MYRIP: variants seen among roughly 807,000 people sequenced by gnomAD.
MYRIP encodes the protein rab effector MyRIP.
MYRIP carries 49 observed loss-of-function variants against 98.0 expected under a neutral mutation model. The ratio of observed to expected loss-of-function variants is 0.50; its 90% CI spans 0.40 to 0.63. MYRIP has a LOEUF of 0.63. MYRIP is among the 30% of genes least tolerant of loss of function. MYRIP has a pLI of 0.00. For synonymous variants in MYRIP, 404 were observed against 409.5 expected, an observed-to-expected ratio of 0.99 and a Z score of 0.16; for missense variants, 1,004 against 1,058.2, an observed-to-expected ratio of 0.95 and a Z score of 0.71.
At chr3:40,167,852 A>G (rs919698092) in intron 7 of MYRIP, among the ~76,000 whole-genome samples, 2 of 152,188 alleles carry the variant, frequency 1.3e-5, no homozygotes, top group Non-Finnish European at 2.9e-5. Flanking sequence ...CGGCCAGATG[A>G]AGAGACACAC....
Position 40,190,366 on chromosome 3 carries a change from G to T in MYRIP, c.1568G>T (p.Arg523Leu). The T allele has an allele frequency of 1.2e-6, 2 of 1,613,858 alleles. No homozygotes were observed. The highest frequency in any genetic ancestry group is 2.2e-5 in the South Asian group (2 of 91,074). Residue 523 changes from arginine to leucine, a missense_variant, in exon 10 of 17, where the codon CGG becomes CTG. This residue lies in a region of MYRIP where 880 missense variants were observed against 907.7 expected (regional missense o/e 0.97). Coordinates refer to ENST00000302541, the MANE Select transcript of MYRIP (RefSeq NM_015460.4). ...PEEAPHTTDR[R>L]ARRWRRARLG... ...GAGGCCCCCCACACCACAGACCGGC[G>T]GGCCAGGAGGTGGAGAAGAGCCCGA...
intron 1 of MYRIP, among the ~76,000 whole-genome samples, chr3:39,850,495 G>A (rs1010032933): frequency 6.6e-6 from 1 of 152,202 alleles, no homozygotes; most frequent in Non-Finnish European, 1.5e-5. Context: ...CACTGTAATT[G>A]TAGTGTTTAC....
Position 39,901,808 on chromosome 3 carries a change from A to G in MYRIP, c.110+882A>G, listed in dbSNP as rs553423094. The stretch of plus-strand genomic sequence containing the variant: ...ATTTCTTGTCTTTCATCAAACAAGT[A>G]TATATTTAATATATACTATATGTGA... On this transcript the variant is annotated intron_variant, in intron 2 of 16. Transcript: ENST00000302541. 1.2e-3 allele frequency among the ~76,000 whole-genome samples: 179 copies of G among 152,274 alleles called. 2 individuals carry two copies. In the South Asian group the frequency reaches 0.036, roughly 31 times the overall value.
chr3:40,033,581 A>G (rs182573744), intron 2 of MYRIP, among the ~76,000 whole-genome samples: 1 of 152,340 alleles, frequency 6.6e-6, no homozygotes, highest in African/African-American at 2.4e-5. Context: ...GGATACAAAG[A>G]AATGGAAGAG....
chr3:40,136,118 T>G (rs1214074116), intron 3 of MYRIP, among the ~76,000 whole-genome samples: 2 of 152,154 alleles, frequency 1.3e-5, no homozygotes, highest in African/African-American at 2.4e-5. Context: ...GACCCATCAG[T>G]GTGCTGTATT....
chr3:40,174,891 C>G (rs1273479033), intron 8 of MYRIP, among the ~76,000 whole-genome samples: 2 of 152,168 alleles, frequency 1.3e-5, no homozygotes, highest in Non-Finnish European at 2.9e-5. Context: ...CGCCTGTAAT[C>G]CCAGTGCTTT....
chr3:40,128,385 G>A (rs530968829), intron 3 of MYRIP, among the ~76,000 whole-genome samples: 1 of 152,180 alleles, frequency 6.6e-6, no homozygotes, highest in Non-Finnish European at 1.5e-5. Flanking sequence ...ATAGTTGCAC[G>A]GCTCAGTAGC....
At chr3:39,818,126 C>T (rs969258657) in intron 1 of MYRIP, among the ~76,000 whole-genome samples, 3 of 152,166 alleles carry the variant, frequency 2.0e-5, no homozygotes, top group African/African-American at 7.2e-5. Context: ...ACATTAGGCA[C>T]TTTAGACTTT....
intron 3 of MYRIP, among the ~76,000 whole-genome samples, chr3:40,074,324 T>C (rs1332445227): frequency 1.3e-5 from 2 of 152,118 alleles, no homozygotes; most frequent in African/African-American, 4.8e-5. Flanking sequence ...TCTGCCCACC[T>C]TGGCCTCCCA....
chr3:40,011,649 G>A (rs1445908067), intron 2 of MYRIP, among the ~76,000 whole-genome samples: 2 of 152,182 alleles, frequency 1.3e-5, no homozygotes, highest in Admixed American at 6.5e-5. Flanking sequence ...GGCAAACACA[G>A]TTTCTGTCCT....
At chr3:39,939,825 C>A (rs1944741118) in intron 2 of MYRIP, among the ~76,000 whole-genome samples, 2 of 152,028 alleles carry the variant, frequency 1.3e-5, no homozygotes, top group Non-Finnish European at 2.9e-5. Context: ...GCCAATGTTC[C>A]AGTGAGGAAA....
intron 1 of MYRIP, among the ~76,000 whole-genome samples, chr3:39,836,436 G>A (rs1941628715): frequency 6.6e-6 from 1 of 152,076 alleles, no homozygotes; most frequent in African/African-American, 2.4e-5. Flanking sequence ...TTTTGGATGG[G>A]GTTGTTTGTT....
chr3:40,103,813 A>T (rs1443780785), intron 3 of MYRIP, among the ~76,000 whole-genome samples: 2 of 152,204 alleles, frequency 1.3e-5, no homozygotes, highest in African/African-American at 2.4e-5. Context: ...TAAATTAGGA[A>T]AACACCAAGA....
At chr3:40,136,734 G>T (rs1037335687) in intron 3 of MYRIP, among the ~76,000 whole-genome samples, 26 of 152,040 alleles carry the variant, frequency 1.7e-4, no homozygotes, top group Admixed American at 7.9e-4. Context: ...AGAAACTCAC[G>T]CAAAACTGAT....
intron 1 of MYRIP, among the ~76,000 whole-genome samples, chr3:39,877,399 T>C (rs1943029620): frequency 6.6e-6 from 1 of 151,930 alleles, no homozygotes. Flanking sequence ...CTGCGTTCCT[T>C]TGGAGGAGGA....
intron 10 of MYRIP, among the ~76,000 whole-genome samples, chr3:40,196,707 T>A (rs1951403791): frequency 6.6e-6 from 1 of 152,248 alleles, no homozygotes; most frequent in South Asian, 2.1e-4. Context: ...CATGTGTATG[T>A]ATGCATTGTT....
intron 2 of MYRIP, among the ~76,000 whole-genome samples, chr3:40,038,079 G>T (rs1377649765): frequency 6.6e-6 from 1 of 151,816 alleles, no homozygotes; most frequent in East Asian, 1.9e-4. Context: ...TATAATGAAA[G>T]TCTCAATGAA....
intron 1 of MYRIP, among the ~76,000 whole-genome samples, chr3:39,884,891 A>G (rs1210809044): frequency 6.6e-6 from 1 of 150,640 alleles, no homozygotes; most frequent in Non-Finnish European, 1.5e-5. Flanking sequence ...ATCAAAGAAA[A>G]TGAATCTCAA....
At chr3:40,227,766 C>A (rs1952530645) in intron 11 of MYRIP, among the ~76,000 whole-genome samples, 1 of 152,208 alleles carries the variant, frequency 6.6e-6, no homozygotes, top group Non-Finnish European at 1.5e-5. Flanking sequence ...AGTGTGCCTG[C>A]AGAGCAGGTG....
Sources: gnomAD v4.1 joint callset for allele counts (sites outside exome capture counted in the v4.1 genomes callset) on GRCh38, gnomAD v4.1.1 for gene constraint, gnomAD v4.1.1 regional missense constraint, MANE v1.5 for transcripts, NCBI Gene and HGNC (gene_info 2026-07-23, HGNC 2026-07-21) for gene names.